SHROOM4: variants seen among roughly 807,000 people sequenced by gnomAD.
SHROOM4 encodes the protein shroom family member 4, also known as protein Shroom4.
In SHROOM4, 17 loss-of-function variants were observed where a neutral mutation model predicts 80.3. The ratio of observed to expected loss-of-function variants is 0.21; its 90% confidence interval spans 0.14 to 0.32. The LOEUF is 0.32. Ranked by LOEUF, SHROOM4 falls within the 10% of genes least tolerant of loss-of-function variation. The pLI is 1.00. For synonymous variants in SHROOM4, 400 were observed against 437.5 expected (o/e 0.91, Z 1.07); for missense variants, 993 against 1,140.3 (o/e 0.87, Z 1.86).
intron 1 of SHROOM4, among the ~76,000 whole-genome samples, chrX:50,706,494 C>A (rs1205395795): frequency 8.9e-6 from 1 of 111,791 alleles, no homozygotes; most frequent in Non-Finnish European, 1.9e-5. Flanking sequence ...CAGGATATCA[C>A]CCTATTCATT....
chrX:50,618,227 C>CA (rs1189647760), intron 5 of SHROOM4, among the ~76,000 whole-genome samples: 1 of 110,055 alleles, frequency 9.1e-6, no homozygotes, highest in Non-Finnish European at 1.9e-5. Flanking sequence ...CAAGGAGCTT[C>CA]ATTAAGGAAA....
chrX:50,795,181 T>TATATAA (rs1935985333), intron 1 of SHROOM4, among the ~76,000 whole-genome samples: 4 of 81,977 alleles, frequency 4.9e-5, no homozygotes, highest in African/African-American at 1.9e-4. Flanking sequence ...TATATATATA[T>TATATAA]AAAACCATGG....
chrX:50,603,221 T>G (rs1249195715), intron 6 of SHROOM4, among the ~76,000 whole-genome samples: 14 of 111,443 alleles, frequency 1.3e-4, no homozygotes, highest in African/African-American at 3.9e-4. Context: ...TCTCCAAGCC[T>G]GTTGGCCTCC....
chrX:50,608,903 T>C (rs1254054480), intron 5 of SHROOM4, among the ~76,000 whole-genome samples: 8 of 111,765 alleles, frequency 7.2e-5, no homozygotes, highest in African/African-American at 2.3e-4. Context: ...ACTTTCTGTG[T>C]TTTTATACTT....
chrX:50,687,267 C>CTTTTTTTTTTTTTTTTTTTT (rs1217867502), intron 2 of SHROOM4: 2 of 88,818 alleles, frequency 2.3e-5, no homozygotes, highest in African/African-American at 9.1e-5. Flanking sequence ...ATTTTGGTGT[C>CTTTTTTTTTTTTTTTTTTTT]TTTTTTTTTT....
rs1285910302 is a variant in SHROOM4, at chrX:50,588,527, G to A, written c.*8168C>T. 1.8e-5 allele frequency among the ~76,000 whole-genome samples: 2 copies of A among 112,000 alleles called. No individual in the cohort carries two copies. Among genetic ancestry groups the A allele is most frequent in the African/African-American group, 6.5e-5 (2 of 30,834 alleles). On this transcript the variant is annotated 3_prime_UTR_variant, in exon 9 of 9. Transcript: ENST00000376020. Reference sequence around the variant, plus strand: ...ATGCTCAAGGTTACACAATGTGTAAGTGGTGGAGCCAGTATGAAAACCTAC... The same window carrying A: ...ATGCTCAAGGTTACACAATGTGTAAATGGTGGAGCCAGTATGAAAACCTAC...
At position 50,591,396 on chromosome X, in the gene SHROOM4, T is replaced by C. The variant is rs1218225906; in HGVS notation, c.*5299A>G. ...GTTCCAGGTCCCTTGTAATTCCATA[T>C]GAATTTTAGAATCAGCTTGTAAACT... On this transcript the variant is annotated 3_prime_UTR_variant, in exon 9 of 9. Transcript: ENST00000376020. Among the ~76,000 whole-genome samples, 3 of 112,018 alleles carry C rather than the reference T, an allele frequency of 2.7e-5. No individual in the cohort carries two copies. Among genetic ancestry groups the C allele is most frequent in the Non-Finnish European group, 5.6e-5 (3 of 53,245 alleles).
downstream of SHROOM4, among the ~76,000 whole-genome samples, chrX:50,582,246 C>T (rs1285454796): frequency 3.6e-5 from 4 of 111,759 alleles, no homozygotes; most frequent in East Asian, 1.1e-3. Context: ...GAAGTGGATC[C>T]TTCCCCTGTC....
At chrX:50,580,184 C>CA in the SHROOM4 span, among the ~76,000 whole-genome samples, 1 of 111,908 alleles carries the variant, frequency 8.9e-6, no homozygotes, top group East Asian at 2.8e-4. Context: ...TGGTCAGAGG[C>CA]AAAAATAACC....
At chrX:50,686,703 G>A (rs1259042324) in intron 2 of SHROOM4, among the ~76,000 whole-genome samples, 8 of 110,658 alleles carry the variant, frequency 7.2e-5, no homozygotes, top group Non-Finnish European at 1.5e-4. Flanking sequence ...CTTATCATAC[G>A]GATGGGAAAA....
chrX:50,790,484 A>G (rs1935831511), intron 1 of SHROOM4, among the ~76,000 whole-genome samples: 1 of 111,408 alleles, frequency 9.0e-6, no homozygotes, highest in Non-Finnish European at 1.9e-5. Flanking sequence ...ACAGATAAGG[A>G]CACTACAAAA....
rs927912009 is a variant in SHROOM4, at chrX:50,596,317, C to T, written c.*378G>A. On this transcript the variant is annotated 3_prime_UTR_variant, in exon 9 of 9. Coordinates refer to ENST00000376020, the MANE Select transcript of SHROOM4 (RefSeq NM_020717.5). ...AGTAGAGCTGCAAGGCAGATTCCCT[C>T]TGAGCCTTTAGAGGCTGTTGATGAT... The T allele has an allele frequency of 2.8e-6, 1 of 355,841 alleles. No individual in the cohort carries two copies. The highest frequency in any genetic ancestry group is 5.3e-6 in the Non-Finnish European group (1 of 187,200). 29.3% of individuals were successfully genotyped at this position (355,841 alleles called of 1,213,427 possible).
At chrX:50,609,894 A>G (rs935384236) in intron 5 of SHROOM4, among the ~76,000 whole-genome samples, 2 of 111,009 alleles carry the variant, frequency 1.8e-5, no homozygotes, top group Non-Finnish European at 3.8e-5. Context: ...CTTCTGTATA[A>G]TAAACACTGA....
At chrX:50,657,782 G>GAA (rs200698829) in intron 2 of SHROOM4, among the ~76,000 whole-genome samples, 3 of 104,687 alleles carry the variant, frequency 2.9e-5, no homozygotes, top group African/African-American at 1.0e-4. Flanking sequence ...ATTGCTTTGG[G>GAA]AAAAAAAAAA....
In SHROOM4 at chrX:50,703,367, C is replaced by T. The variant is rs145571117; in HGVS notation, c.118-7430G>A. 3.4e-3 allele frequency among the ~76,000 whole-genome samples: 372 copies of T among 109,604 alleles called. 3 individuals carry two copies. The highest frequency in any genetic ancestry group is 0.014 in the Middle Eastern group (3 of 216). On this transcript the variant is annotated intron_variant, in intron 1 of 8. Coordinates refer to ENST00000376020, the MANE Select transcript of SHROOM4 (RefSeq NM_020717.5). ...TATGGTCCCCAGAGTTCATGTCAAT[C>T]TCAGATATGTTTCTTTCTTACGGTC...
At position 50,633,605 on chromosome X, in the gene SHROOM4, C is replaced by T. The variant is rs1465211911; in HGVS notation, c.2468G>A (p.Arg823His). 88 of 1,210,070 alleles carry T rather than the reference C, an allele frequency of 7.3e-5. No homozygotes were observed. Among genetic ancestry groups the T allele is most frequent in the Non-Finnish European group, 9.5e-5 (85 of 895,304 alleles). Residue 823 changes from arginine (R) to histidine (H), a missense_variant, in exon 4 of 9, where the codon CGC becomes CAC. By Grantham distance (29) the Arg-to-His change is conservative (BLOSUM62 0). Coordinates refer to ENST00000376020, the MANE Select transcript of SHROOM4 (RefSeq NM_020717.5). ...ATGATATGATTGGTCCATGGGATGG[C>T]GCCTCAATTCCCTACAGCTGGAGCT... ...PMSSSCRELR[R>H]HPMDQSYHSA... is the part of the protein sequence containing the mutation.
intron 1 of SHROOM4, among the ~76,000 whole-genome samples, chrX:50,698,535 T>C (rs782096463): frequency 2.4e-4 from 27 of 111,578 alleles, no homozygotes; most frequent in Non-Finnish European, 4.0e-4. Context: ...CCTTCAACTA[T>C]ATCCCAGACT....
chrX:50,652,088 G>A (rs1265234441), intron 2 of SHROOM4, among the ~76,000 whole-genome samples: 2 of 111,772 alleles, frequency 1.8e-5, no homozygotes, highest in Admixed American at 9.5e-5. Flanking sequence ...AATCCTTTGG[G>A]TATATATCCA....
At chrX:50,708,494 G>A (rs185127176) in intron 1 of SHROOM4, among the ~76,000 whole-genome samples, 1 of 112,366 alleles carries the variant, frequency 8.9e-6, no homozygotes, top group Non-Finnish European at 1.9e-5. Context: ...ACTTTGCGCT[G>A]ATTGCCACTA....
Sources: allele counts gnomAD v4.1 joint callset (sites outside exome capture counted in the v4.1 genomes callset), GRCh38; gene constraint gnomAD v4.1.1; transcripts MANE v1.5; gene names NCBI Gene and HGNC (gene_info 2026-07-23, HGNC 2026-07-21).